SPEF2: variants seen among roughly 807,000 people sequenced by gnomAD.
SPEF2 encodes sperm flagellar and cilia associated 2.
SPEF2 carries 187 observed loss-of-function variants against 224.6 expected under a neutral mutation model. The observed-to-expected ratio is 0.83, with a 90% confidence interval of 0.74 to 0.94. SPEF2 has a LOEUF of 0.94. SPEF2 is among the 40% of genes least tolerant of loss of function. SPEF2 has a pLI of 0.00. For missense variants in SPEF2, 2,170 were observed against 2,135.6 expected, an observed-to-expected ratio of 1.02 and a Z score of -0.32; for synonymous variants, 715 against 707.3, an observed-to-expected ratio of 1.01 and a Z score of -0.17.
intron 21 of SPEF2, among the ~76,000 whole-genome samples, chr5:35,735,902 T>C (rs1746513559): frequency 1.3e-5 from 2 of 152,220 alleles, no homozygotes; most frequent in Admixed American, 1.3e-4. Context: ...CTAGACAGTT[T>C]CCTAACTGAG....
At chr5:35,618,724 A>G (rs1033172246) in intron 1 of SPEF2, among the ~76,000 whole-genome samples, 1 of 152,098 alleles carries the variant, frequency 6.6e-6, no homozygotes, top group African/African-American at 2.4e-5. Context: ...AGCTGACCTT[A>G]TTCACCAACC....
intron 2 of SPEF2, among the ~76,000 whole-genome samples, chr5:35,631,327 T>C (rs1217203068): frequency 6.6e-6 from 1 of 152,198 alleles, no homozygotes; most frequent in Non-Finnish European, 1.5e-5. Flanking sequence ...GTGGGAATTA[T>C]GGGAGCTACA....
chr5:35,695,504 G>A (rs906340665), intron 13 of SPEF2, among the ~76,000 whole-genome samples: 1 of 152,072 alleles, frequency 6.6e-6, no homozygotes, highest in Non-Finnish European at 1.5e-5. Flanking sequence ...AGGGAAGGGA[G>A]GGAGGTAGGG....
chr5:35,759,746 T>C, intron 25 of SPEF2, 27 bp downstream of exon 25: 6 of 1,491,990 alleles, frequency 4.0e-6, no homozygotes, highest in Non-Finnish European at 5.4e-6. Context: ...TATCACACTG[T>C]AATTGTTTTG....
chr5:35,807,169 C>T lies in SPEF2; in HGVS notation c.5295C>T (p.Asn1765=). The T allele has an allele frequency of 6.2e-7, 1 of 1,613,722 alleles. No individual in the cohort carries two copies. The highest frequency in any genetic ancestry group is 8.5e-7 in the Non-Finnish European group (1 of 1,179,922). The change falls in exon 36 of 37, where the codon AAC becomes AAT. Residue 1765 remains asparagine (N), a synonymous_variant. Coordinates refer to ENST00000356031, the MANE Select transcript of SPEF2 (RefSeq NM_024867.4). Reference sequence around the variant, plus strand: ...CATTTCAAGACCTAGGTGCCAAGAACCTGGAGCCAATTGAAGTCGCTGTTC... The same window carrying T: ...CATTTCAAGACCTAGGTGCCAAGAATCTGGAGCCAATTGAAGTCGCTGTTC... ...IKTFQDLGAK[N]LEPIEVAVLL...
intron 30 of SPEF2, chr5:35,788,847 G>A: frequency 1.4e-6 from 1 of 702,870 alleles, no homozygotes; most frequent in Non-Finnish European, 2.6e-6. Flanking sequence ...CTCCTTCACA[G>A]CATTTATCAC....
chr5:35,712,783 A>G (rs761037691), intron 19 of SPEF2, 29 bp from the exon 20 acceptor site: 14 of 1,609,364 alleles, frequency 8.7e-6, no homozygotes, highest in African/African-American at 4.0e-5. Context: ...TAAATCATCA[A>G]TGATTTTTGT....
rs774625729 is a variant in SPEF2, at chr5:35,740,025, T to G, written c.3170T>G (p.Leu1057Arg). Reference sequence around the variant, plus strand: ...CTGAGGGAAGACCAGCATACTGTGCTTGCTTACTTATATGAGATTAGGTAA... The same window carrying G: ...CTGAGGGAAGACCAGCATACTGTGCGTGCTTACTTATATGAGATTAGGTAA... ...RHLREDQHTV[L>R]AYLYEIRTSF... The change falls in exon 22 of 37, where the codon CTT becomes CGT. Residue 1057 changes from leucine (L) to arginine (R), a missense_variant. Physicochemically the swap from Leu to Arg is moderately radical, Grantham distance 102. Transcript: ENST00000356031. The G allele has an allele frequency of 2.0e-5, 33 of 1,614,058 alleles. No homozygotes were observed. The highest frequency in any genetic ancestry group is 2.7e-5 in the Non-Finnish European group (32 of 1,180,020).
intron 8 of SPEF2, among the ~76,000 whole-genome samples, chr5:35,663,393 C>G (rs79905560): frequency 0.014 from 2,065 of 152,238 alleles, 30 homozygotes; most frequent in South Asian, 0.053. Flanking sequence ...TGTTCCAAGC[C>G]AAATGTATGA....
chr5:35,639,925 A>G (rs549937025), intron 2 of SPEF2, among the ~76,000 whole-genome samples: 83 of 152,204 alleles, frequency 5.5e-4, no homozygotes, highest in African/African-American at 1.9e-3. Context: ...GATTCTACCC[A>G]TGCTTTAACA....
intron 3 of SPEF2, 164 bp downstream of exon 3, chr5:35,641,847 A>C (rs1746663360): frequency 1.5e-6 from 1 of 685,256 alleles, no homozygotes; most frequent in Non-Finnish European, 2.3e-6. Context: ...ATTTGAATTT[A>C]TTTAGCCATT....
At position 35,667,257 on chromosome 5, in the gene SPEF2, T is replaced by C. The variant is rs1249576407; in HGVS notation, c.1353T>C (p.Asn451=). Residue 451 remains asparagine, a splice_region_variant and synonymous_variant, in exon 9 of 37, where the codon AAT becomes AAC. Transcript: ENST00000356031. ...TKVADYRMLT[N]NLIPYKLMHD... is the part of the protein sequence containing the mutation. ...TGGCAGACTATCGAATGTTGACAAA[T>C]AAGTAAGTATTTTTTTTGTAATAAC... is the stretch of plus-strand genomic sequence containing the variant. 1.9e-6 allele frequency: 3 copies of C among 1,592,342 alleles called. No individual in the cohort carries two copies. The highest frequency in any genetic ancestry group is 2.7e-5 in the African/African-American group (2 of 74,060).
chr5:35,763,970 T>C (rs1393378247), intron 26 of SPEF2, among the ~76,000 whole-genome samples: 1 of 152,142 alleles, frequency 6.6e-6, no homozygotes, highest in African/African-American at 2.4e-5. Context: ...GAAATGTTAA[T>C]GAGGTGGGTC....
chr5:35,739,455 T>C (rs1747206901), intron 21 of SPEF2, among the ~76,000 whole-genome samples: 1 of 152,210 alleles, frequency 6.6e-6, no homozygotes, highest in Non-Finnish European at 1.5e-5. Context: ...TGATCCTGGC[T>C]CAGTGCAAGC....
chr5:35,650,086 A>C (rs1747965594), intron 6 of SPEF2, among the ~76,000 whole-genome samples: 1 of 152,208 alleles, frequency 6.6e-6, no homozygotes, highest in African/African-American at 2.4e-5. Context: ...ATATGAGATA[A>C]ATCTCTGTTA....
In SPEF2 at chr5:35,644,471, A is replaced by G. The variant is rs1280563475; in HGVS notation, c.531A>G (p.Lys177=). The G allele has an allele frequency of 3.1e-6, 5 of 1,609,438 alleles. No homozygotes were observed. The highest frequency in any genetic ancestry group is 2.5e-6 in the Non-Finnish European group (3 of 1,178,732). The part of the protein sequence containing the change: ...KEDLAHLHFE[K]LERFQKLKEE... ...ATCTTGCCCATTTGCATTTTGAGAA[A>G]CTTGAAAGATTTCAAAAACTCAAGG... Residue 177 remains lysine, a synonymous_variant, in exon 4 of 37, where the codon AAA becomes AAG. Coordinates refer to ENST00000356031, the MANE Select transcript of SPEF2 (RefSeq NM_024867.4).
chr5:35,618,189 G>C (rs925623388), intron 1 of SPEF2, 134 bp downstream of exon 1: 20 of 930,370 alleles, frequency 2.1e-5, no homozygotes, highest in Non-Finnish European at 3.2e-5. Flanking sequence ...GTAGCCGGCA[G>C]CATCCCACAG....
Position 35,792,373 on chromosome 5 carries a change from T to C in SPEF2, c.4481T>C (p.Leu1494Pro). ...IIGNKAFTDILIDLVTLNLGT... is the reference protein window; with the variant it reads ...IIGNKAFTDIPIDLVTLNLGT... ...GGAAATAAAGCATTTACTGACATTC[T>C]GATCGATTTGGTGACCCTGAACCTT... Residue 1494 changes from leucine to proline, a missense_variant, in exon 31 of 37, where the codon CTG becomes CCG. Physicochemically the swap from Leu to Pro is moderately conservative, Grantham distance 98. Transcript: ENST00000356031. The C allele has an allele frequency of 6.2e-7, 1 of 1,613,858 alleles. No individual in the cohort carries two copies. Among genetic ancestry groups the C allele is most frequent in the Non-Finnish European group, 8.5e-7 (1 of 1,179,820 alleles).
At chr5:35,786,668 A>T (rs983965663) in intron 30 of SPEF2, among the ~76,000 whole-genome samples, 1 of 152,184 alleles carries the variant, frequency 6.6e-6, no homozygotes, top group Non-Finnish European at 1.5e-5. Flanking sequence ...CTCAAAAAAA[A>T]ACAAAAAAAG....
Sources: gnomAD v4.1 joint callset for allele counts (sites outside exome capture counted in the v4.1 genomes callset) on GRCh38, gnomAD v4.1.1 for gene constraint, MANE v1.5 for transcripts, NCBI Gene and HGNC (gene_info 2026-07-23, HGNC 2026-07-21) for gene names.